The following GOLM2 variants were observed in gnomAD, a reference collection of about 807,000 sequenced individuals.
The protein encoded by GOLM2 is golgi membrane protein 2.
In GOLM2, 26 loss-of-function variants were observed where a neutral mutation model predicts 55.9. The ratio of observed to expected loss-of-function variants is 0.47; its 90% confidence interval spans 0.34 to 0.65. The LOEUF is 0.65. GOLM2 is among the 30% of genes least tolerant of loss of function. The pLI, the probability that GOLM2 is intolerant of heterozygous loss-of-function variation, is 0.01. For synonymous variants in GOLM2, 165 were observed against 194.6 expected (o/e 0.85, Z 1.27); for missense variants, 486 against 531.8 (o/e 0.91, Z 0.85).
At chr15:44,348,495 C>T (rs2079139846) in intron 6 of GOLM2, 1 of 152,220 alleles carries the variant, frequency 6.6e-6, no homozygotes, top group African/African-American at 2.4e-5. Flanking sequence ...GCCAAACTTA[C>T]TGCAGTAGAA....
chr15:44,297,258 C>T (rs563248968), intron 1 of GOLM2, among the ~76,000 whole-genome samples: 3 of 152,164 alleles, frequency 2.0e-5, no homozygotes, highest in African/African-American at 7.2e-5. Flanking sequence ...TGTCAGTTCT[C>T]CTGTGAAGCC....
intron 6 of GOLM2, among the ~76,000 whole-genome samples, chr15:44,365,180 G>A (rs1017610115): frequency 2.6e-4 from 40 of 152,220 alleles, no homozygotes; most frequent in African/African-American, 9.4e-4. Flanking sequence ...GGTACCTTTG[G>A]ACAATGGAAT....
At chr15:44,312,244 G>A (rs538499070) in intron 1 of GOLM2, among the ~76,000 whole-genome samples, 2 of 152,174 alleles carry the variant, frequency 1.3e-5, no homozygotes, top group African/African-American at 4.8e-5. Flanking sequence ...AGATTTGCAG[G>A]AATTTATGAT....
chr15:44,404,681 G>A (rs998499820), intron 9 of GOLM2, among the ~76,000 whole-genome samples: 3 of 151,810 alleles, frequency 2.0e-5, no homozygotes, highest in Admixed American at 1.3e-4. Context: ...GTAAGCTCTT[G>A]GAGGGCAGGA....
At chr15:44,303,524 G>C (rs1335182362) in intron 1 of GOLM2, among the ~76,000 whole-genome samples, 1 of 151,988 alleles carries the variant, frequency 6.6e-6, no homozygotes, top group Non-Finnish European at 1.5e-5. Flanking sequence ...GCTTCATGGG[G>C]ATATAATGAA....
intron 6 of GOLM2, among the ~76,000 whole-genome samples, chr15:44,363,805 A>G (rs534207624): frequency 0.023 from 3,423 of 151,854 alleles, 54 homozygotes; most frequent in Non-Finnish European, 0.032. Context: ...AATGTCCAAC[A>G]ATGATAGACT....
intron 6 of GOLM2, among the ~76,000 whole-genome samples, chr15:44,351,030 G>A (rs1256057260): frequency 6.6e-6 from 1 of 152,114 alleles, no homozygotes; most frequent in African/African-American, 2.4e-5. Flanking sequence ...TCATACTGAA[G>A]AGGGAAAACT....
At chr15:44,343,965 C>T (rs1415284603) in intron 6 of GOLM2, among the ~76,000 whole-genome samples, 2 of 151,750 alleles carry the variant, frequency 1.3e-5, no homozygotes, top group East Asian at 1.9e-4. Context: ...AAATATACCT[C>T]TGAGGCCGGG....
At position 44,318,261 on chromosome 15, in the gene GOLM2, C is replaced by T. The variant is rs114551997; in HGVS notation, c.328-4704C>T. Among the ~76,000 whole-genome samples the T allele has an allele frequency of 3.9e-3, 591 of 152,314 alleles. 5 individuals are homozygous for T. The highest frequency in any genetic ancestry group is 0.014 in the African/African-American group (566 of 41,558). On this transcript the variant is annotated intron_variant, in intron 1 of 9. Transcript: ENST00000299957. ...GTAACAGTCATCCTTAGCTTCCTTCCCTACAAAAACAGGCTCACAGGCCAT... is the reference window on the plus strand; with the variant it reads ...GTAACAGTCATCCTTAGCTTCCTTCTCTACAAAAACAGGCTCACAGGCCAT...
intron 6 of GOLM2, among the ~76,000 whole-genome samples, chr15:44,363,380 G>A (rs574781698): frequency 1.7e-3 from 257 of 152,150 alleles, no homozygotes; most frequent in African/African-American, 4.9e-3. Flanking sequence ...AAAAGTGGGC[G>A]AAGGACATGA....
Position 44,375,270 on chromosome 15 carries a change from C to T in GOLM2, c.803-4420C>T, listed in dbSNP as rs183991884. ...TCCTGACCTCGTGATCCGCCCACCT[C>T]AGCCTCCCAAAGTGCTGAGATTACA... is the stretch of plus-strand genomic sequence containing the variant. On this transcript the variant is annotated intron_variant, in intron 6 of 9. Transcript: ENST00000299957. Among the ~76,000 whole-genome samples, 714 of 152,248 alleles carry T rather than the reference C, an allele frequency of 4.7e-3. 4 individuals are homozygous for T. Among genetic ancestry groups the T allele is most frequent in the African/African-American group, 0.017 (690 of 41,546 alleles).
chr15:44,392,157 T>C lies in GOLM2; in HGVS notation c.1073-10730T>C, dbSNP rs557716392. ...GAGCCACCGCACCCAGCTGGTGAAT[T>C]CTTTCAAACATGAAAGAATACAACC... On this transcript the variant is annotated intron_variant, in intron 8 of 9. Transcript: ENST00000299957. Among the ~76,000 whole-genome samples, 9 of 152,028 alleles carry C rather than the reference T, an allele frequency of 5.9e-5. No homozygotes were observed. In the South Asian group the frequency reaches 8.3e-4, roughly 14 times the overall value.
chr15:44,304,180 A>G (rs1051978359), intron 1 of GOLM2, among the ~76,000 whole-genome samples: 5 of 147,280 alleles, frequency 3.4e-5, no homozygotes, highest in Non-Finnish European at 4.5e-5. Context: ...GGCCTATTCA[A>G]GTTTTATCAT....
chr15:44,378,013 A>T (rs1460719214), intron 6 of GOLM2, among the ~76,000 whole-genome samples: 2 of 149,462 alleles, frequency 1.3e-5, no homozygotes, highest in Non-Finnish European at 3.0e-5. Context: ...ATTAAGAAGT[A>T]TATATATATA....
At chr15:44,324,603 T>C (rs2078969933) in intron 2 of GOLM2, among the ~76,000 whole-genome samples, 1 of 152,172 alleles carries the variant, frequency 6.6e-6, no homozygotes, top group African/African-American at 2.4e-5. Context: ...AGATGGTTTA[T>C]ATTTTCTTGG....
rs146516559 is a variant in GOLM2 at position 44,410,996 on chromosome 15, A to T, written c.1241-2340A>T. Among the ~76,000 whole-genome samples, 13 of 150,024 alleles carry T rather than the reference A, an allele frequency of 8.7e-5. 1 individual carries two copies. In the East Asian group the frequency reaches 2.5e-3, roughly 29 times the overall value. On this transcript the variant is annotated intron_variant, in intron 9 of 9. Coordinates refer to ENST00000299957, the MANE Select transcript of GOLM2 (RefSeq NM_138423.4). ...TTTAACAGGAAAGTTGTTGAAAAAG[A>T]AAGTTGGTTTGTTTGACTTTTTTTT...
intron 6 of GOLM2, among the ~76,000 whole-genome samples, chr15:44,350,118 G>A (rs946946398): frequency 2.0e-5 from 3 of 152,048 alleles, no homozygotes; most frequent in Non-Finnish European, 2.9e-5. Context: ...CCTAATGTTA[G>A]TAGAAGGAAA....
chr15:44,361,531 A>C (rs1215536276), intron 6 of GOLM2, among the ~76,000 whole-genome samples: 2 of 152,160 alleles, frequency 1.3e-5, no homozygotes, highest in Non-Finnish European at 2.9e-5. Flanking sequence ...CAATAACAGG[A>C]GCTGAAATTG....
intron 1 of GOLM2, among the ~76,000 whole-genome samples, chr15:44,318,208 T>A (rs2078924513): frequency 6.6e-6 from 1 of 152,192 alleles, no homozygotes; most frequent in Non-Finnish European, 1.5e-5. Flanking sequence ...TTCTTTTGAT[T>A]TTTTCCTTCA....
Sources: allele counts gnomAD v4.1 joint callset (sites outside exome capture counted in the v4.1 genomes callset), GRCh38; gene constraint gnomAD v4.1.1; transcripts MANE v1.5; gene names NCBI Gene and HGNC (gene_info 2026-07-23, HGNC 2026-07-21).